Variants in SATL1 observed in about 807,000 individuals in gnomAD.
SATL1 encodes the protein spermidine/spermine N(1)-acetyltransferase-like protein 1.
A neutral mutation model predicts 51.8 loss-of-function variants in SATL1; 47 were observed. The observed-to-expected ratio is 0.91, with a 90% CI of 0.72 to 1.16. SATL1 has a LOEUF of 1.16. SATL1 is among the 50% of genes most tolerant of loss of function. SATL1 has a pLI of 0.00. For missense variants in SATL1, 520 were observed against 526.4 expected, an observed-to-expected ratio of 0.99 and a Z score of 0.12; for synonymous variants, 176 against 182.4, an observed-to-expected ratio of 0.97 and a Z score of 0.28.
intron 2 of SATL1, among the ~76,000 whole-genome samples, chrX:85,214,266 G>A (rs1271836289): frequency 9.0e-6 from 1 of 111,462 alleles, no homozygotes; most frequent in South Asian, 3.8e-4. Flanking sequence ...AGGCAAAAAG[G>A]AGCTGGCATG....
At chrX:85,156,843 ATATATATATATATATATATATATAT>A (rs1569238863) in intron 2 of SATL1, among the ~76,000 whole-genome samples, 8 of 70,194 alleles carry the variant, frequency 1.1e-4, no homozygotes, top group African/African-American at 3.4e-4. Flanking sequence ...ATATATATAT[ATATATATATATATATATATATATAT>A]AAAATATGTA....
intron 2 of SATL1, among the ~76,000 whole-genome samples, chrX:85,145,389 G>A (rs1228786389): frequency 1.8e-5 from 2 of 111,778 alleles, no homozygotes; most frequent in Non-Finnish European, 3.8e-5. Flanking sequence ...AACTGGAATA[G>A]TACTTGGCAC....
At chrX:85,218,673 G>T (rs1928105688) in intron 2 of SATL1, among the ~76,000 whole-genome samples, 1 of 111,693 alleles carries the variant, frequency 9.0e-6, no homozygotes, top group Admixed American at 9.5e-5. Context: ...TGTTAGTACA[G>T]TACTAACATT....
chrX:85,181,166 G>GATAT (rs778767839), intron 2 of SATL1, among the ~76,000 whole-genome samples: 5 of 99,465 alleles, frequency 5.0e-5, no homozygotes, highest in Admixed American at 1.1e-4. Context: ...CACACAGACA[G>GATAT]ATATATATAT....
chrX:85,111,814 A>G (rs1380565435), intron 2 of SATL1, among the ~76,000 whole-genome samples: 1 of 111,918 alleles, frequency 8.9e-6, no homozygotes, highest in Non-Finnish European at 1.9e-5. Flanking sequence ...ATATGAAGCC[A>G]CCCCTCAGAG....
chrX:85,217,260 T>C (rs1355066423), intron 2 of SATL1, among the ~76,000 whole-genome samples: 1 of 111,130 alleles, frequency 9.0e-6, no homozygotes, highest in Non-Finnish European at 1.9e-5. Context: ...GTGCAGTGTG[T>C]GTATCAGTAT....
chrX:85,204,671 C>T (rs1927756478), intron 2 of SATL1, among the ~76,000 whole-genome samples: 1 of 111,395 alleles, frequency 9.0e-6, no homozygotes, highest in Non-Finnish European at 1.9e-5. Flanking sequence ...GGGTTGAAGA[C>T]TAATTACCTC....
chrX:85,158,283 A>G (rs1389264965), intron 2 of SATL1, among the ~76,000 whole-genome samples: 1 of 111,657 alleles, frequency 9.0e-6, no homozygotes, highest in African/African-American at 3.3e-5. Flanking sequence ...GTGAGACTAC[A>G]TATTTGCTAC....
intron 3 of SATL1, among the ~76,000 whole-genome samples, chrX:85,104,305 A>G (rs991030831): frequency 1.8e-5 from 2 of 111,783 alleles, no homozygotes; most frequent in African/African-American, 6.5e-5. Flanking sequence ...TTTGCCTATG[A>G]AATGTTTTTG....
intron 3 of SATL1, 105 bp from the exon 4 acceptor site, chrX:85,104,020 G>A: frequency 1.7e-6 from 1 of 581,587 alleles, no homozygotes; most frequent in South Asian, 2.7e-5. Flanking sequence ...GTGACGTCCT[G>A]GGCAGTGTTA....
chrX:85,098,862 A>G (rs142255204), intron 4 of SATL1, among the ~76,000 whole-genome samples: 154 of 111,776 alleles, frequency 1.4e-3, no homozygotes, highest in African/African-American at 4.7e-3. Flanking sequence ...ATTATCTAAA[A>G]CAATAATCTA....
chrX:85,156,813 TTATATATATATATATA>T (rs71933802), intron 2 of SATL1, among the ~76,000 whole-genome samples: 2,151 of 62,011 alleles, frequency 0.035, 52 homozygotes, highest in Non-Finnish European at 0.042. Context: ...CATGTGGAGA[TTATATATATATATATA>T]TATATATATA....
chrX:85,195,442 T>A (rs1217114225), intron 2 of SATL1, among the ~76,000 whole-genome samples: 1 of 111,250 alleles, frequency 9.0e-6, no homozygotes, highest in Non-Finnish European at 1.9e-5. Context: ...GATCAAACAG[T>A]TGATGAGGGG....
intron 1 of SATL1, among the ~76,000 whole-genome samples, chrX:85,236,046 C>T (rs1928474558): frequency 9.0e-6 from 1 of 111,292 alleles, no homozygotes; most frequent in African/African-American, 3.2e-5. Context: ...TCATTAGAGA[C>T]TACTATGGGC....
intron 2 of SATL1, among the ~76,000 whole-genome samples, chrX:85,188,011 G>A (rs768528470): frequency 9.0e-6 from 1 of 110,920 alleles, no homozygotes; most frequent in East Asian, 2.8e-4. Flanking sequence ...TAGCACAGAA[G>A]TCAAAAAGTT....
rs144352147 is a variant in SATL1 at position 85,093,607 on chromosome X, A to T, written c.1877-382T>A. Among the ~76,000 whole-genome samples, 774 of 112,645 alleles carry T rather than the reference A, an allele frequency of 6.9e-3. 6 individuals carry two copies. The highest frequency in any genetic ancestry group is 0.024 in the African/African-American group (730 of 31,048). On this transcript the variant is annotated intron_variant, in intron 6 of 7. Coordinates refer to ENST00000644105, the MANE Select transcript of SATL1 (RefSeq NM_001367857.2). ...CACATGTGATGGCACGATGGCTCAC[A>T]CCTGTAATCCCAGCACTTTGGGAGG... is the stretch of plus-strand genomic sequence containing the variant.
intron 2 of SATL1, among the ~76,000 whole-genome samples, chrX:85,115,016 A>G (rs1204270786): frequency 2.7e-5 from 3 of 111,725 alleles, no homozygotes; most frequent in African/African-American, 9.8e-5. Context: ...ATGAACTTGA[A>G]GGTCTTGATG....
At chrX:85,097,013 A>C (rs1049781794) in intron 4 of SATL1, among the ~76,000 whole-genome samples, 1 of 112,173 alleles carries the variant, frequency 8.9e-6, no homozygotes, top group African/African-American at 3.2e-5. Context: ...AGACAGATAC[A>C]TGAGCAATTA....
intron 4 of SATL1, among the ~76,000 whole-genome samples, 160 bp from the exon 5 acceptor site, chrX:85,095,156 T>G (rs982478845): frequency 8.9e-6 from 1 of 112,017 alleles, no homozygotes; most frequent in Non-Finnish European, 1.9e-5. Context: ...ATCTGAACAT[T>G]TGCAACTTAC....
Sources: allele counts gnomAD v4.1 joint callset (sites outside exome capture counted in the v4.1 genomes callset), GRCh38; gene constraint gnomAD v4.1.1; transcripts MANE v1.5; gene names NCBI Gene and HGNC (gene_info 2026-07-23, HGNC 2026-07-21).